Variants in MCM10 observed in about 807,000 individuals in gnomAD.
The protein encoded by MCM10 is minichromosome maintenance 10 replication initiation factor, also known as protein MCM10 homolog.
In MCM10, 91 loss-of-function variants were observed where a neutral mutation model predicts 109.9. That is an observed-to-expected ratio of 0.83 (90% CI 0.70 to 0.99). The LOEUF is 0.99. MCM10 is among the 50% of genes least tolerant of loss of function. The pLI is 0.00. For synonymous variants in MCM10, 380 were observed against 387.2 expected (o/e 0.98, Z 0.22); for missense variants, 1,077 against 1,061.2 (o/e 1.01, Z -0.21).
chr10:13,191,278 G>A, intron 10 of MCM10, 21 bp from the exon 11 acceptor site: 3 of 1,543,630 alleles, frequency 1.9e-6, no homozygotes, highest in African/African-American at 1.4e-5. Context: ...TTCTCCTTTT[G>A]GGGGTGACTT....
At chr10:13,187,643 A>G (rs898900712) in intron 9 of MCM10, among the ~76,000 whole-genome samples, 2 of 152,138 alleles carry the variant, frequency 1.3e-5, no homozygotes, top group East Asian at 1.9e-4. Context: ...CTTTTTTGTT[A>G]TAGCCATTGT....
rs2131562879 is a variant in MCM10 at position 13,175,670 on chromosome 10, T to C, written c.753T>C (p.Gly251=). The C allele has an allele frequency of 1.2e-6, 2 of 1,605,808 alleles. No homozygotes were observed. Among genetic ancestry groups the C allele is most frequent in the Non-Finnish European group, 1.7e-6 (2 of 1,175,514 alleles). The change falls in exon 6 of 20, where the codon GGT becomes GGC. Residue 251 remains glycine (G), a synonymous_variant. Transcript: ENST00000378714. ...TQPICVEAFS[G]LRLRRPRVSS... ...CCATCTGTGTGGAAGCCTTCTCTGG[T>C]CTGCGGCTCAGGTCAGTAGCTAAAC...
At chr10:13,171,931 A>G (rs1179593563) in intron 3 of MCM10, among the ~76,000 whole-genome samples, 1 of 151,184 alleles carries the variant, frequency 6.6e-6, no homozygotes, top group African/African-American at 2.4e-5. Context: ...TGCCCAGCTA[A>G]TTTTTTTTAT....
chr10:13,185,492 A>G (rs1227118094), intron 8 of MCM10, among the ~76,000 whole-genome samples: 2 of 152,218 alleles, frequency 1.3e-5, no homozygotes, highest in Non-Finnish European at 2.9e-5. Flanking sequence ...TCATTTTGTC[A>G]GGAAAGCAGA....
At chr10:13,189,289 G>A (rs1834317079) in intron 10 of MCM10, among the ~76,000 whole-genome samples, 2 of 151,492 alleles carry the variant, frequency 1.3e-5, no homozygotes. Context: ...CTTATGTTGT[G>A]TTGGACTTTA....
chr10:13,183,703 G>A (rs201414006), intron 8 of MCM10, among the ~76,000 whole-genome samples: 1 of 144,258 alleles, frequency 6.9e-6, no homozygotes, highest in African/African-American at 2.6e-5. Context: ...TTTTTTTTTT[G>A]AAAGTGAGTC....
intron 2 of MCM10, among the ~76,000 whole-genome samples, chr10:13,166,505 C>T (rs1016005396): frequency 4.0e-5 from 6 of 150,814 alleles, no homozygotes; most frequent in Non-Finnish European, 8.8e-5. Context: ...CGTGGTGGCA[C>T]ATGCCTGTAA....
Position 13,198,781 on chromosome 10 carries a change from T to C in MCM10, c.2212T>C (p.Ser738Pro), listed in dbSNP as rs1255028368. Residue 738 changes from serine (S) to proline (P), a missense_variant, in exon 16 of 20, where the codon TCA becomes CCA. Ser to Pro is a moderately conservative substitution (Grantham distance 74, BLOSUM62 -1). Coordinates refer to ENST00000378714, the MANE Select transcript of MCM10 (RefSeq NM_018518.5). ...EEFQKILKAK[S>P]KHTGILKEAE... The stretch of plus-strand genomic sequence containing the variant: ...ATTTCAGAAAATCCTAAAAGCAAAA[T>C]CAAAACACACAGGCATCCTGAAAGA... 6.2e-7 allele frequency: 1 copy of C among 1,612,844 alleles called. No homozygotes were observed. Among genetic ancestry groups the C allele is most frequent in the East Asian group, 2.2e-5 (1 of 44,894 alleles).
chr10:13,198,896 GTTTTA>G (rs1462455797), intron 16 of MCM10, 89 bp downstream of exon 16: 2 of 843,600 alleles, frequency 2.4e-6, no homozygotes, highest in African/African-American at 3.4e-5. Flanking sequence ...TGTGTTGTTT[GTTTTA>G]TTTTGTTTTT....
At chr10:13,174,609 A>C (rs1330490743) in intron 5 of MCM10, among the ~76,000 whole-genome samples, 1 of 152,196 alleles carries the variant, frequency 6.6e-6, no homozygotes, top group African/African-American at 2.4e-5. Context: ...TATTTAAGTT[A>C]AAATTAGATT....
chr10:13,169,048 GC>G (rs1197681569), intron 2 of MCM10, among the ~76,000 whole-genome samples: 1 of 152,210 alleles, frequency 6.6e-6, no homozygotes, highest in Non-Finnish European at 1.5e-5. Flanking sequence ...CAACATGGCG[GC>G]CCTTTTTCTG....
At position 13,172,324 on chromosome 10, in the gene MCM10, T is replaced by C; in HGVS notation, c.350-52T>C. The C allele has an allele frequency of 2.8e-6, 4 of 1,405,572 alleles. No individual in the cohort carries two copies. The highest frequency in any genetic ancestry group is 4.0e-6 in the Non-Finnish European group (4 of 996,350). The allele number at this position is 1,405,572 out of a possible 1,614,324, so 87.1% of individuals were successfully genotyped here. On this transcript the variant is annotated intron_variant, in intron 3 of 19. Transcript: ENST00000378714. The surrounding 1 kb of genome is among the most constrained non-coding windows in gnomAD (Gnocchi z 5.2). The stretch of plus-strand genomic sequence containing the variant: ...AAATATTGCCCGCATTTTTGTCATG[T>C]AGAACGTTTTCTCCTGCCTGGTTCT...
rs148103556 is a variant in MCM10 at position 13,183,331 on chromosome 10, A to G, written c.1098+231A>G. On this transcript the variant is annotated intron_variant, in intron 8 of 19. Transcript: ENST00000378714. Reference sequence around the variant, plus strand: ...AAACTGGCTGTGAGTGGGGGCACACAACTGTAGTTCCATCTATTCAGGAGG... The same window carrying G: ...AAACTGGCTGTGAGTGGGGGCACACGACTGTAGTTCCATCTATTCAGGAGG... Among the ~76,000 whole-genome samples the G allele has an allele frequency of 3.6e-3, 541 of 152,238 alleles. 2 individuals carry two copies. The highest frequency in any genetic ancestry group is 0.012 in the African/African-American group (513 of 41,548).
intron 2 of MCM10, among the ~76,000 whole-genome samples, chr10:13,168,082 C>T (rs1358345414): frequency 6.6e-6 from 1 of 152,184 alleles, no homozygotes; most frequent in Non-Finnish European, 1.5e-5. Context: ...TATGGGGTCC[C>T]CAGGCAGCAT....
intron 5 of MCM10, among the ~76,000 whole-genome samples, chr10:13,175,243 G>A (rs1449268691): frequency 6.6e-6 from 1 of 152,144 alleles, no homozygotes; most frequent in Non-Finnish European, 1.5e-5. Context: ...AGACCAGCCT[G>A]GGCAACATGG....
intron 7 of MCM10, among the ~76,000 whole-genome samples, chr10:13,181,792 G>T (rs967192197): frequency 7.2e-5 from 11 of 152,174 alleles, no homozygotes; most frequent in African/African-American, 2.7e-4. Context: ...TACTTCATAA[G>T]TGGCTGTAAT....
intron 10 of MCM10, 24 bp from the exon 11 acceptor site, chr10:13,191,275 T>C: frequency 6.5e-7 from 1 of 1,529,234 alleles, no homozygotes; most frequent in Non-Finnish European, 9.1e-7. Flanking sequence ...TGATTCTCCT[T>C]TTGGGGGTGA....
intron 5 of MCM10, among the ~76,000 whole-genome samples, chr10:13,174,738 A>G (rs1198330638): frequency 6.6e-6 from 1 of 152,224 alleles, no homozygotes; most frequent in Non-Finnish European, 1.5e-5. Context: ...CATTATTATC[A>G]TCAGAGAAAG....
At chr10:13,169,223 C>T (rs903297549) in intron 2 of MCM10, among the ~76,000 whole-genome samples, 3 of 152,170 alleles carry the variant, frequency 2.0e-5, no homozygotes, top group East Asian at 1.9e-4. Context: ...TCAGACATTG[C>T]GTCCTCAAGC....
Sources: allele counts gnomAD v4.1 joint callset (sites outside exome capture counted in the v4.1 genomes callset), GRCh38; gene constraint gnomAD v4.1.1; non-coding constraint Gnocchi (gnomAD v3.1); transcripts MANE v1.5; gene names NCBI Gene and HGNC (gene_info 2026-07-23, HGNC 2026-07-21).